Variants in PLCB1 observed in about 807,000 individuals in gnomAD.
PLCB1 encodes the protein phospholipase C beta 1.
PLCB1 carries 46 observed loss-of-function variants against 161.8 expected under a neutral mutation model. The observed-to-expected ratio is 0.28, with a 90% confidence interval of 0.22 to 0.36. PLCB1 has a LOEUF of 0.36. Ranked by LOEUF, PLCB1 falls within the 10% of genes least tolerant of loss-of-function variation. The probability of loss-of-function intolerance (pLI) is 1.00; values close to 1 mark genes in which losing one functional copy is unlikely to be tolerated. For synonymous variants in PLCB1, 517 were observed against 503.7 expected, an observed-to-expected ratio of 1.03 and a Z score of -0.35; for missense variants, 1,016 against 1,472.5, an observed-to-expected ratio of 0.69 and a Z score of 5.07.
chr20:8,420,240 G>A (rs1474611808), intron 3 of PLCB1, among the ~76,000 whole-genome samples: 1 of 152,126 alleles, frequency 6.6e-6, no homozygotes, highest in African/African-American at 2.4e-5. Flanking sequence ...CAAGATGCTA[G>A]GAAGTCAGCT....
intron 3 of PLCB1, among the ~76,000 whole-genome samples, chr20:8,587,776 G>C (rs950404158): frequency 2.6e-5 from 4 of 152,162 alleles, no homozygotes; most frequent in African/African-American, 9.7e-5. Flanking sequence ...TAAATCCAAA[G>C]AGACAAGTAG....
intron 2 of PLCB1, among the ~76,000 whole-genome samples, chr20:8,161,721 C>G (rs1029808465): frequency 7.9e-5 from 12 of 151,850 alleles, no homozygotes; most frequent in African/African-American, 2.9e-4. Flanking sequence ...ACGCTGCTGC[C>G]TGGGCTTCCT....
chr20:8,737,307 A>T, intron 20 of PLCB1, 115 bp downstream of exon 20: 1 of 869,838 alleles, frequency 1.1e-6, no homozygotes. Context: ...ACACACTTAT[A>T]AAGCAATTAC....
chr20:8,236,354 G>A (rs191072862), intron 2 of PLCB1, among the ~76,000 whole-genome samples: 1 of 151,978 alleles, frequency 6.6e-6, no homozygotes, highest in Admixed American at 6.6e-5. Context: ...AACATAGTGA[G>A]ACCCCTGTCT....
intron 2 of PLCB1, among the ~76,000 whole-genome samples, chr20:8,338,826 A>G (rs1281001528): frequency 6.6e-6 from 1 of 152,128 alleles, no homozygotes; most frequent in African/African-American, 2.4e-5. Context: ...CACGCACATA[A>G]AATACCCAGT....
intron 2 of PLCB1, among the ~76,000 whole-genome samples, chr20:8,180,060 G>T: frequency 6.6e-6 from 1 of 151,500 alleles, no homozygotes; most frequent in Non-Finnish European, 1.5e-5. Context: ...GGGTTTCACC[G>T]TTTTAGCCAG....
At chr20:8,806,228 G>A (rs1984529854) in intron 31 of PLCB1, among the ~76,000 whole-genome samples, 1 of 152,072 alleles carries the variant, frequency 6.6e-6, no homozygotes, top group Admixed American at 6.5e-5. Flanking sequence ...CACAGTTTCT[G>A]TCACTGAGAG....
At chr20:8,771,542 A>G (rs1982677161) in intron 26 of PLCB1, among the ~76,000 whole-genome samples, 1 of 152,126 alleles carries the variant, frequency 6.6e-6, no homozygotes, top group Admixed American at 6.5e-5. Flanking sequence ...GCGTTTTCCT[A>G]GTATTAAATT....
chr20:8,671,083 A>G (rs753811671), intron 9 of PLCB1, among the ~76,000 whole-genome samples: 9 of 152,202 alleles, frequency 5.9e-5, no homozygotes, highest in Non-Finnish European at 1.2e-4. Flanking sequence ...TGAGTGCCAG[A>G]TCCTGCCTAA....
At chr20:8,831,906 TTCTTTCTC>T (rs1388351660) in intron 31 of PLCB1, among the ~76,000 whole-genome samples, 1 of 83,470 alleles carries the variant, frequency 1.2e-5, no homozygotes, top group Non-Finnish European at 2.6e-5. Context: ...CTCCCTCTCT[TTCTTTCTC>T]TTTCTTTCTT....
At chr20:8,816,894 C>G (rs891214575) in intron 31 of PLCB1, among the ~76,000 whole-genome samples, 2 of 152,206 alleles carry the variant, frequency 1.3e-5, no homozygotes, top group Non-Finnish European at 2.9e-5. Flanking sequence ...AAGCTTTCCT[C>G]TAACTGTTCA....
intron 31 of PLCB1, among the ~76,000 whole-genome samples, chr20:8,821,571 T>A (rs1985422334): frequency 3.0e-5 from 4 of 134,588 alleles, no homozygotes; most frequent in Admixed American, 7.8e-5. Flanking sequence ...AAATGACACT[T>A]TTAAAAATGG....
At chr20:8,775,148 C>T (rs6108189) in intron 27 of PLCB1, among the ~76,000 whole-genome samples, 4 of 144,772 alleles carry the variant, frequency 2.8e-5, no homozygotes, top group Admixed American at 1.4e-4. Context: ...GTACACTGTC[C>T]TATATTTAGA....
intron 2 of PLCB1, among the ~76,000 whole-genome samples, chr20:8,228,405 C>T (rs6086368): frequency 0.42 from 64,026 of 151,684 alleles, 14,432 homozygotes; most frequent in East Asian, 0.62. Flanking sequence ...ATCCACCTAT[C>T]CTTCTGGATT....
chr20:8,873,455 C>T (rs1429515372), intron 31 of PLCB1, among the ~76,000 whole-genome samples: 3 of 152,064 alleles, frequency 2.0e-5, no homozygotes, highest in African/African-American at 7.2e-5. Flanking sequence ...ATCCCACATT[C>T]AGAGTTCTAC....
intron 3 of PLCB1, among the ~76,000 whole-genome samples, chr20:8,466,230 A>C (rs1354710938): frequency 2.6e-5 from 4 of 151,608 alleles, no homozygotes. Context: ...AAGAACAAAA[A>C]ACCAAACACC....
chr20:8,525,151 GA>G (rs1316515566), intron 3 of PLCB1, among the ~76,000 whole-genome samples: 1 of 85,280 alleles, frequency 1.2e-5, no homozygotes, highest in Non-Finnish European at 2.3e-5. Flanking sequence ...CATTTATGGA[GA>G]AGGGGGAAAA....
chr20:8,133,831 C>A (rs1401348632), intron 1 of PLCB1, among the ~76,000 whole-genome samples: 2 of 152,206 alleles, frequency 1.3e-5, no homozygotes, highest in African/African-American at 4.8e-5. Context: ...ATGAGGCGTT[C>A]TTCTTGCCGA....
chr20:8,833,011 C>T (rs1346148800), intron 31 of PLCB1, among the ~76,000 whole-genome samples: 1 of 152,124 alleles, frequency 6.6e-6, no homozygotes, highest in Non-Finnish European at 1.5e-5. Context: ...TATCCTGTTT[C>T]CTGGAACCTG....
Sources: gnomAD v4.1 joint callset for allele counts (sites outside exome capture counted in the v4.1 genomes callset) on GRCh38, gnomAD v4.1.1 for gene constraint, MANE v1.5 for transcripts, NCBI Gene and HGNC (gene_info 2026-07-23, HGNC 2026-07-21) for gene names.